Variants in KIAA0930 observed in about 807,000 individuals in gnomAD.
The protein encoded by KIAA0930 is KIAA0930, also known as uncharacterized protein KIAA0930.
In KIAA0930, 24 loss-of-function variants were observed where a neutral mutation model predicts 43.9. The ratio of observed to expected loss-of-function variants is 0.55; its 90% CI spans 0.40 to 0.77. The LOEUF (loss-of-function observed/expected upper bound fraction) is 0.77, where lower values mean the gene tolerates loss of function less well. Ranked by LOEUF, KIAA0930 falls within the 30% of genes least tolerant of loss-of-function variation. KIAA0930 has a pLI of 0.00. For synonymous variants in KIAA0930, 259 were observed against 216.4 expected (o/e 1.20, Z -1.73); for missense variants, 461 against 574.2 (o/e 0.80, Z 2.02).
intron 7 of KIAA0930, 93 bp downstream of exon 7, chr22:45,202,897 A>G (rs2083601656): frequency 9.3e-7 from 1 of 1,070,334 alleles, no homozygotes; most frequent in Admixed American, 2.7e-5. Flanking sequence ...GGATGACAAC[A>G]CCTATGTCCC....
intron 7 of KIAA0930, among the ~76,000 whole-genome samples, chr22:45,201,924 A>G (rs980283221): frequency 9.9e-5 from 15 of 152,256 alleles, no homozygotes; most frequent in African/African-American, 3.4e-4. Flanking sequence ...AAGTAGGTCA[A>G]CAGCAACTAC....
At position 45,194,151 on chromosome 22, in the gene KIAA0930, T is replaced by C. The variant is rs557742404; in HGVS notation, c.*3025A>G. Reference sequence around the variant, plus strand: ...ATGCAATGGCGTGATCTCGGCTCACTGCAACCTCTGCCTACTAGGTTCAAG... The same window carrying C: ...ATGCAATGGCGTGATCTCGGCTCACCGCAACCTCTGCCTACTAGGTTCAAG... On this transcript the variant is annotated 3_prime_UTR_variant, in exon 10 of 10. Coordinates refer to ENST00000336156, the MANE Select transcript of KIAA0930 (RefSeq NM_001009880.2). 155 of 135,202 alleles carry C rather than the reference T, an allele frequency of 1.1e-3. 2 individuals carry two copies. Among genetic ancestry groups the C allele is most frequent in the African/African-American group, 4.2e-3 (154 of 36,792 alleles). The allele number at this position is 135,202 out of a possible 1,614,324, so 8.4% of individuals were successfully genotyped here. A position where few individuals can be genotyped will look rare whatever the true frequency, so the allele number is the denominator to read the frequency against.
chr22:45,207,830 G>A lies in KIAA0930; in HGVS notation c.217-1918C>T, dbSNP rs143064608. On this transcript the variant is annotated intron_variant, in intron 2 of 9. Transcript: ENST00000336156. ...CTAGGAGCGAGAAACAGACGTCCCC[G>A]GGTCGGGGGGCCCCACTTCCACCGC... 4.2e-3 allele frequency: 715 copies of A among 169,634 alleles called. 3 individuals carry two copies. The highest frequency in any genetic ancestry group is 6.6e-3 in the Non-Finnish European group (454 of 68,538). 10.5% of individuals were successfully genotyped at this position (169,634 alleles called of 1,614,324 possible).
At position 45,196,477 on chromosome 22, in the gene KIAA0930, G is replaced by C. The variant is rs993702274; in HGVS notation, c.*699C>G. The C allele has an allele frequency of 6.5e-6, 1 of 152,726 alleles. No individual in the cohort carries two copies. Among genetic ancestry groups the C allele is most frequent in the Non-Finnish European group, 1.5e-5 (1 of 68,112 alleles). 9.5% of individuals were successfully genotyped at this position (152,726 alleles called of 1,614,324 possible). A position where few individuals can be genotyped will look rare whatever the true frequency, so the allele number is the denominator to read the frequency against. ...TTCCTCCGTGCGAGGCCCAGCGTGG[G>C]ATGTCCCAGGTTGGAGGTGTGCGTG... On this transcript the variant is annotated 3_prime_UTR_variant, in exon 10 of 10. Transcript: ENST00000336156. The surrounding 1 kb of genome is among the most constrained non-coding windows in gnomAD (Gnocchi z 4.1).
At chr22:45,240,539 G>C (rs888388641) in intron 1 of KIAA0930, 101 bp downstream of exon 1, 3 of 787,672 alleles carry the variant, frequency 3.8e-6, no homozygotes, top group South Asian at 1.6e-5. Flanking sequence ...CACCCGCGCA[G>C]AGACAGAGAT....
chr22:45,227,152 T>A (rs1400126443), intron 1 of KIAA0930, among the ~76,000 whole-genome samples: 1 of 152,228 alleles, frequency 6.6e-6, no homozygotes, highest in East Asian at 1.9e-4. Flanking sequence ...AGGTGCTCAG[T>A]GTGCAGGCCC....
At chr22:45,224,168 A>T (rs1406329085) in intron 1 of KIAA0930, among the ~76,000 whole-genome samples, 3 of 152,238 alleles carry the variant, frequency 2.0e-5, no homozygotes, top group African/African-American at 7.2e-5. Flanking sequence ...AAAAGCCAGG[A>T]CACAAAATTA....
intron 1 of KIAA0930, among the ~76,000 whole-genome samples, chr22:45,220,666 C>T (rs181079371): frequency 7.0e-4 from 107 of 152,220 alleles, no homozygotes; most frequent in Middle Eastern, 6.8e-3. Context: ...ACTGCAGCCT[C>T]GACCTCCAGC....
At chr22:45,229,811 G>A (rs924643482) in intron 1 of KIAA0930, among the ~76,000 whole-genome samples, 4 of 152,222 alleles carry the variant, frequency 2.6e-5, no homozygotes, top group Non-Finnish European at 5.9e-5. Context: ...GTGTGAACGT[G>A]GGCCAGGTGC....
intron 1 of KIAA0930, among the ~76,000 whole-genome samples, chr22:45,230,743 G>A (rs1401626452): frequency 4.6e-5 from 7 of 151,736 alleles, no homozygotes; most frequent in Admixed American, 1.3e-4. Context: ...CACCACACCC[G>A]GCTAATTTTT....
At chr22:45,199,757 T>G in intron 8 of KIAA0930, 116 bp downstream of exon 8, 1 of 1,117,750 alleles carries the variant, frequency 8.9e-7, no homozygotes, top group Non-Finnish European at 1.2e-6. Flanking sequence ...TGGCACCCAC[T>G]CTCTAAGTGC....
rs899377150 is a variant in KIAA0930 at position 45,192,945 on chromosome 22, C to G, written c.*4231G>C. 4.6e-5 allele frequency: 7 copies of G among 152,280 alleles called. No individual in the cohort carries two copies. The highest frequency in any genetic ancestry group is 3.9e-4 in the Admixed American group (6 of 15,282). The allele number at this position is 152,280 out of a possible 1,614,324, so 9.4% of individuals were successfully genotyped here. On this transcript the variant is annotated 3_prime_UTR_variant, in exon 10 of 10. Transcript: ENST00000336156. ...AAAAAACAAAAGCCCCAGCAGGTGC[C>G]CATCACCCGGCTCCCAGGGGTCATC...
At chr22:45,238,443 A>G (rs2083899463) in intron 1 of KIAA0930, among the ~76,000 whole-genome samples, 1 of 152,208 alleles carries the variant, frequency 6.6e-6, no homozygotes, top group African/African-American at 2.4e-5. Flanking sequence ...AGACCATGAC[A>G]AGGCCACAAT....
intron 2 of KIAA0930, chr22:45,207,705 G>A (rs1172338084): frequency 5.9e-6 from 1 of 170,190 alleles, no homozygotes; most frequent in Non-Finnish European, 1.4e-5. Context: ...CGGGCTCCGA[G>A]GGGCTGGGCA....
intron 1 of KIAA0930, among the ~76,000 whole-genome samples, chr22:45,214,376 T>C (rs2083718481): frequency 1.3e-5 from 2 of 152,120 alleles, no homozygotes; most frequent in South Asian, 4.2e-4. Flanking sequence ...ACCAGGAGAA[T>C]GCACACATGT....
chr22:45,211,862 G>T, intron 2 of KIAA0930, 94 bp downstream of exon 2: 1 of 1,246,806 alleles, frequency 8.0e-7, no homozygotes, highest in Non-Finnish European at 1.1e-6. Flanking sequence ...TGATATGCAT[G>T]AGCACTGTAG....
At chr22:45,202,150 C>G (rs990443846) in intron 7 of KIAA0930, among the ~76,000 whole-genome samples, 1 of 152,244 alleles carries the variant, frequency 6.6e-6, no homozygotes, top group African/African-American at 2.4e-5. Context: ...CAAGACTGCC[C>G]CTGGACCTGT....
intron 1 of KIAA0930, among the ~76,000 whole-genome samples, chr22:45,216,016 A>G (rs575112166): frequency 7.6e-6 from 1 of 131,886 alleles, no homozygotes; most frequent in Non-Finnish European, 1.6e-5. Context: ...CGACAGAGCG[A>G]GACTCCGTCT....
chr22:45,199,910 G>A lies in KIAA0930; in HGVS notation c.978C>T (p.Asn326=), dbSNP rs150877720. ...CCTCCCGGAAGAACTCCTCGCTGTC[G>A]TTGGCCGAGTGCGACTTCTTCATCT... The part of the protein sequence containing the change: ...IAEMKKSHSA[N]DSEEFFREDD... The change falls in exon 8 of 10, where the codon AAC becomes AAT. Residue 326 remains asparagine, a synonymous_variant. Transcript: ENST00000336156. 222 of 1,602,868 alleles carry A rather than the reference G, an allele frequency of 1.4e-4. No individual in the cohort carries two copies. The highest frequency in any genetic ancestry group is 1.3e-3 in the African/African-American group (97 of 74,528).
Sources: allele counts gnomAD v4.1 joint callset (sites outside exome capture counted in the v4.1 genomes callset), GRCh38; gene constraint gnomAD v4.1.1; non-coding constraint Gnocchi (gnomAD v3.1); transcripts MANE v1.5; gene names NCBI Gene and HGNC (gene_info 2026-07-23, HGNC 2026-07-21).